The following CYP20A1 variants were observed in gnomAD, a reference collection of about 807,000 sequenced individuals.
CYP20A1 encodes cytochrome P450 20A1.
A neutral mutation model predicts 61.4 loss-of-function variants in CYP20A1; 61 were observed. The observed-to-expected ratio is 0.99, with a 90% confidence interval of 0.81 to 1.23. CYP20A1 has a LOEUF of 1.23. Among genes scored for constraint, CYP20A1 ranks in the 50% most tolerant of loss-of-function variants. The pLI, the probability that CYP20A1 is intolerant of heterozygous loss-of-function variation, is 0.00. For synonymous variants in CYP20A1, 193 were observed against 188.2 expected, an observed-to-expected ratio of 1.03 and a Z score of -0.21; for missense variants, 530 against 542.4, an observed-to-expected ratio of 0.98 and a Z score of 0.23.
chr2:203,285,549 T>G, intron 8 of CYP20A1, 63 bp from the exon 9 acceptor site: 1 of 1,422,114 alleles, frequency 7.0e-7, no homozygotes, highest in Admixed American at 2.7e-5. Context: ...AGTTTTTTTC[T>G]TATTCTATAC....
Position 203,284,308 on chromosome 2 carries a change from G to A in CYP20A1, c.851-1304G>A, listed in dbSNP as rs538036039. ...AGGATATTAAAAAGTATTTGACACA[G>A]GAACAATAGAGCTACAGATGGTGTC... On this transcript the variant is annotated intron_variant, in intron 8 of 12. Coordinates refer to ENST00000356079, the MANE Select transcript of CYP20A1 (RefSeq NM_177538.3). Among the ~76,000 whole-genome samples, 22 of 152,214 alleles carry A rather than the reference G, an allele frequency of 1.4e-4. No homozygotes were observed. The South Asian group carries it at 4.4e-3, about 30-fold the overall frequency.
chr2:203,277,346 T>A (rs1415634078), intron 6 of CYP20A1, among the ~76,000 whole-genome samples: 1 of 42,714 alleles, frequency 2.3e-5, no homozygotes, highest in Non-Finnish European at 5.7e-5. Context: ...ACACTCTGTC[T>A]CAAAAAAAAA....
intron 4 of CYP20A1, among the ~76,000 whole-genome samples, chr2:203,264,741 C>T (rs1484412547): frequency 6.6e-6 from 1 of 151,780 alleles, no homozygotes; most frequent in African/African-American, 2.4e-5. Flanking sequence ...TCCTTTCTTT[C>T]GTTTTTTAGA....
Position 203,300,813 on chromosome 2 carries a change from C to T in CYP20A1, c.*3905C>T, listed in dbSNP as rs529502979. 7.4e-5 allele frequency among the ~76,000 whole-genome samples: 11 copies of T among 148,058 alleles called. No homozygotes were observed. Among genetic ancestry groups the T allele is most frequent in the African/African-American group, 2.2e-4 (9 of 40,308 alleles). ...CTGAGGCAGGAAAATTGCTTGAACC[C>T]GTGAGGCAGAGGTTGCGATGAGCCG... is the stretch of plus-strand genomic sequence containing the variant. On this transcript the variant is annotated 3_prime_UTR_variant, in exon 13 of 13. Coordinates refer to ENST00000356079, the MANE Select transcript of CYP20A1 (RefSeq NM_177538.3).
rs372103312 is a variant in CYP20A1, at chr2:203,296,577, T to A, written c.1238+14T>A. 6.8e-5 allele frequency: 107 copies of A among 1,576,696 alleles called. No individual in the cohort carries two copies. In the African/African-American group the frequency reaches 1.3e-3, roughly 20 times the overall value. Reference sequence around the variant, plus strand: ...TCCAGAGTTGAGGTGAATAATAGAATGCCAGACTCTGTTCTTAGAATTTTG... The same window carrying A: ...TCCAGAGTTGAGGTGAATAATAGAAAGCCAGACTCTGTTCTTAGAATTTTG... On this transcript the variant is annotated intron_variant, in intron 12 of 12. Transcript: ENST00000356079.
intron 11 of CYP20A1, among the ~76,000 whole-genome samples, chr2:203,292,947 G>T (rs1410746010): frequency 6.6e-6 from 1 of 151,830 alleles, no homozygotes; most frequent in Non-Finnish European, 1.5e-5. Context: ...AGGCTGAGGC[G>T]GGCGGATCAC....
chr2:203,252,087 G>C lies in CYP20A1; in HGVS notation c.410G>C (p.Ser137Thr), dbSNP rs1404858268. ...AATGGTGTGACTGATTCTCTGAAGA[G>C]TAACTTTGCCCTCCTCCTAAAGGTA... ...YENGVTDSLK[S>T]NFALLLKLSE... The change falls in exon 4 of 13, where the codon AGT becomes ACT. Residue 137 changes from serine (S) to threonine (T), a missense_variant. Ser to Thr is a moderately conservative substitution (Grantham distance 58). Transcript: ENST00000356079. 6.2e-7 allele frequency: 1 copy of C among 1,608,402 alleles called. No homozygotes were observed. Among genetic ancestry groups the C allele is most frequent in the East Asian group, 2.2e-5 (1 of 44,540 alleles).
At chr2:203,263,306 T>C (rs1366399678) in intron 4 of CYP20A1, among the ~76,000 whole-genome samples, 2 of 141,276 alleles carry the variant, frequency 1.4e-5, no homozygotes, top group African/African-American at 5.4e-5. Flanking sequence ...TTTTTTTAAA[T>C]TTTAGGCGGA....
intron 10 of CYP20A1, among the ~76,000 whole-genome samples, chr2:203,291,043 G>A (rs764173308): frequency 1.2e-4 from 18 of 151,898 alleles, no homozygotes; most frequent in Non-Finnish European, 2.1e-4. Context: ...TCTGAGACAC[G>A]GAGTTTTTGT....
At position 203,292,523 on chromosome 2, in the gene CYP20A1, A is replaced by G. The variant is rs552582761; in HGVS notation, c.1148+197A>G. ...ATCCAGGCTGGAATGTAATAGTGCA[A>G]TCACTTCTCACTGCAGCTTCGACCT... On this transcript the variant is annotated intron_variant, in intron 11 of 12. Coordinates refer to ENST00000356079, the MANE Select transcript of CYP20A1 (RefSeq NM_177538.3). Among the ~76,000 whole-genome samples the G allele has an allele frequency of 3.9e-5, 6 of 152,264 alleles. No homozygotes were observed. The East Asian group carries it at 5.8e-4, about 15-fold the overall frequency.
rs912820480 is a variant in CYP20A1, at chr2:203,252,211, G to A, written c.432+102G>A. 4 of 850,520 alleles carry A rather than the reference G, an allele frequency of 4.7e-6. No individual in the cohort carries two copies. In the African/African-American group the frequency reaches 7.1e-5, roughly 15 times the overall value. 52.7% of individuals were successfully genotyped at this position (850,520 alleles called of 1,614,324 possible). On this transcript the variant is annotated intron_variant, in intron 4 of 12. Coordinates refer to ENST00000356079, the MANE Select transcript of CYP20A1 (RefSeq NM_177538.3). ...TATCTTTGTTACTCTTTTCTTTCCT[G>A]TCCCTCTAAGCTAATTTTATTCTGA...
intron 8 of CYP20A1, among the ~76,000 whole-genome samples, chr2:203,284,936 G>A (rs1219387713): frequency 6.6e-6 from 1 of 151,550 alleles, no homozygotes; most frequent in East Asian, 1.9e-4. Flanking sequence ...TGTAGAGATG[G>A]GGTTTTGCCA....
rs113450609 is a variant in CYP20A1 at position 203,263,705 on chromosome 2, C to T, written c.433-2809C>T. ...TATCTACAAGTATAGTGCTTAAATT[C>T]CAGAAAGGTAGAATTTTTCTAGTTA... On this transcript the variant is annotated intron_variant, in intron 4 of 12. Transcript: ENST00000356079. Among the ~76,000 whole-genome samples the T allele has an allele frequency of 4.5e-4, 68 of 152,200 alleles. 1 individual carries two copies. The highest frequency in any genetic ancestry group is 3.4e-3 in the Middle Eastern group (1 of 294).
At chr2:203,281,299 A>T (rs1277193624) in intron 8 of CYP20A1, among the ~76,000 whole-genome samples, 1 of 152,014 alleles carries the variant, frequency 6.6e-6, no homozygotes, top group Admixed American at 6.6e-5. Flanking sequence ...TGGAGCCCAG[A>T]AATTTGGGAC....
At chr2:203,266,466 T>C in intron 4 of CYP20A1, 48 bp from the exon 5 acceptor site, 1 of 1,539,662 alleles carries the variant, frequency 6.5e-7, no homozygotes, top group Non-Finnish European at 9.0e-7. Flanking sequence ...TTTTCTGAGA[T>C]TTAGAAAGAA....
chr2:203,296,359 G>T (rs1410527575), intron 11 of CYP20A1, 115 bp from the exon 12 acceptor site: 6 of 586,324 alleles, frequency 1.0e-5, no homozygotes, highest in Non-Finnish European at 1.8e-5. Flanking sequence ...TAATGTAAGA[G>T]CACTTTCTAT....
intron 5 of CYP20A1, among the ~76,000 whole-genome samples, chr2:203,271,555 G>A (rs1035970332): frequency 6.6e-6 from 1 of 152,000 alleles, no homozygotes. Context: ...TTAAAATCAG[G>A]TTAAAGTTTT....
At chr2:203,263,395 T>A (rs1463293873) in intron 4 of CYP20A1, among the ~76,000 whole-genome samples, 1 of 151,816 alleles carries the variant, frequency 6.6e-6, no homozygotes, top group Non-Finnish European at 1.5e-5. Context: ...GTTCAAGTGA[T>A]TCTCCTGCCT....
intron 4 of CYP20A1, among the ~76,000 whole-genome samples, chr2:203,263,988 G>T (rs1302901331): frequency 6.6e-6 from 1 of 151,920 alleles, no homozygotes; most frequent in African/African-American, 2.4e-5. Flanking sequence ...TCAGGTTTTT[G>T]TGTGGGGGGC....
Sources: allele counts gnomAD v4.1 joint callset (sites outside exome capture counted in the v4.1 genomes callset), GRCh38; gene constraint gnomAD v4.1.1; transcripts MANE v1.5; gene names NCBI Gene and HGNC (gene_info 2026-07-23, HGNC 2026-07-21).